GLIPR1L1: variants seen among roughly 807,000 people sequenced by gnomAD.
The protein encoded by GLIPR1L1 is GLIPR1-like protein 1.
A neutral mutation model predicts 29.9 loss-of-function variants in GLIPR1L1; 26 were observed. That is an observed-to-expected ratio of 0.87 (90% confidence interval 0.64 to 1.21). The LOEUF (loss-of-function observed/expected upper bound fraction) is 1.21, where lower values mean the gene tolerates loss of function less well. Among genes scored for constraint, GLIPR1L1 ranks in the 50% most tolerant of loss-of-function variants. The pLI is 0.00. For missense variants in GLIPR1L1, 305 were observed against 290.3 expected (o/e 1.05, Z -0.37); for synonymous variants, 77 against 97.5 (o/e 0.79, Z 1.24).
chr12:75,356,109 T>C (rs2043140422), intron 3 of GLIPR1L1, among the ~76,000 whole-genome samples: 1 of 152,064 alleles, frequency 6.6e-6, no homozygotes, highest in Admixed American at 6.6e-5. Context: ...AACCTGCCCA[T>C]GCTGCATTTT....
At position 75,347,730 on chromosome 12, in the gene GLIPR1L1, A is replaced by T. The variant is rs2042550740; in HGVS notation, c.521+8A>T. On this transcript the variant is annotated splice_region_variant and intron_variant, in intron 3 of 5. Transcript: ENST00000378695. ...ATGCAACTACGGACCTGCGTGAGTTATTTTCTCTTAAAAATATTTTAATTG... is the reference window on the plus strand; with the variant it reads ...ATGCAACTACGGACCTGCGTGAGTTTTTTTCTCTTAAAAATATTTTAATTG... 5 of 1,546,486 alleles carry T rather than the reference A, an allele frequency of 3.2e-6. No individual in the cohort carries two copies. The highest frequency in any genetic ancestry group is 4.4e-6 in the Non-Finnish European group (5 of 1,128,522).
chr12:75,360,898 A>G (rs903663298), intron 3 of GLIPR1L1: 15 of 152,252 alleles, frequency 9.9e-5, no homozygotes, highest in African/African-American at 3.4e-4. Flanking sequence ...GAGGTTTCCA[A>G]TCTTCAATTC....
In GLIPR1L1 at chr12:75,343,699, G is replaced by A. The variant is rs1210752417; in HGVS notation, c.181G>A (p.Asp61Asn). ...PAADMKYMIW[D>N]KGLAKMAKAW... The stretch of plus-strand genomic sequence containing the variant: ...AATTATTTTTATCTTTCAGATTTGG[G>A]ATAAAGGTTTAGCAAAGATGGCTAA... The change falls in exon 2 of 6, where the codon GAT (aspartate) becomes AAT (asparagine). Residue 61 changes from aspartate (D) to asparagine (N), a missense_variant. Transcript: ENST00000378695. 3 of 1,601,600 alleles carry A rather than the reference G, an allele frequency of 1.9e-6. No individual in the cohort carries two copies. Among genetic ancestry groups the A allele is most frequent in the South Asian group, 1.1e-5 (1 of 89,178 alleles).
At chr12:75,357,904 T>A (rs2043257351) in intron 3 of GLIPR1L1, among the ~76,000 whole-genome samples, 1 of 146,260 alleles carries the variant, frequency 6.8e-6, no homozygotes, top group Non-Finnish European at 1.5e-5. Context: ...AAAAGAACAG[T>A]CTCCAGTCAA....
chr12:75,363,385 C>G (rs1411075246), intron 4 of GLIPR1L1, among the ~76,000 whole-genome samples, 195 bp downstream of exon 4: 2 of 152,100 alleles, frequency 1.3e-5, no homozygotes, highest in African/African-American at 4.8e-5. Context: ...GATTACTCCC[C>G]CTCTGAAGCT....
At chr12:75,366,048 T>C (rs1007420452) in intron 4 of GLIPR1L1, among the ~76,000 whole-genome samples, 9 of 152,294 alleles carry the variant, frequency 5.9e-5, no homozygotes, top group East Asian at 5.8e-4. Context: ...CTAATTCTAA[T>C]GTTACTTTAC....
At chr12:75,358,531 A>G (rs2043305404) in intron 3 of GLIPR1L1, among the ~76,000 whole-genome samples, 1 of 151,190 alleles carries the variant, frequency 6.6e-6, no homozygotes, top group Admixed American at 6.6e-5. Context: ...AACAAGCTAA[A>G]AATAGAAGGG....
At chr12:75,353,729 G>T (rs1435959525) in intron 3 of GLIPR1L1, among the ~76,000 whole-genome samples, 2 of 152,124 alleles carry the variant, frequency 1.3e-5, no homozygotes, top group African/African-American at 4.8e-5. Flanking sequence ...GAACATCAAT[G>T]CAAAAATTCT....
chr12:75,363,163 G>GAAGAGA lies in GLIPR1L1; in HGVS notation c.586_591dup (p.Glu196_Lys197dup), dbSNP rs2043727976. 2 of 1,543,964 alleles carry GAAGAGA rather than the reference G, an allele frequency of 1.3e-6. No individual in the cohort carries two copies. The highest frequency in any genetic ancestry group is 2.1e-5 in the Admixed American group (1 of 46,756). On this transcript the variant is annotated inframe_insertion, in exon 4 of 6. Transcript: ENST00000378695. ...AGAATCTTGCTCTCTCTGCTCAAAA[G>GAAGAGA]AAGAGAAATGTGTAAAGAACCTCTG...
At chr12:75,357,738 T>C (rs1271152465) in intron 3 of GLIPR1L1, among the ~76,000 whole-genome samples, 1 of 152,044 alleles carries the variant, frequency 6.6e-6, no homozygotes, top group Non-Finnish European at 1.5e-5. Flanking sequence ...ATTTGAATAC[T>C]AACATACTTC....
At chr12:75,356,046 G>C (rs1027201727) in intron 3 of GLIPR1L1, among the ~76,000 whole-genome samples, 2 of 152,084 alleles carry the variant, frequency 1.3e-5, no homozygotes, top group Non-Finnish European at 2.9e-5. Context: ...ATACCTGGGT[G>C]ATGAGTTGAT....
At chr12:75,359,273 TATC>T (rs1317817322) in intron 3 of GLIPR1L1, among the ~76,000 whole-genome samples, 2 of 148,582 alleles carry the variant, frequency 1.3e-5, no homozygotes, top group African/African-American at 4.9e-5. Context: ...AACTACATAA[TATC>T]ATGAGAGAAA....
chr12:75,366,560 CT>C (rs1219951908), intron 4 of GLIPR1L1, among the ~76,000 whole-genome samples: 2 of 152,082 alleles, frequency 1.3e-5, no homozygotes, highest in African/African-American at 4.8e-5. Flanking sequence ...TGCACAAACA[CT>C]TGCAAAGAGA....
rs966412606 is a variant in GLIPR1L1, at chr12:75,370,425, T to C, written c.*249T>C. 1.4e-5 allele frequency: 4 copies of C among 293,212 alleles called. No individual in the cohort carries two copies. In the Admixed American group the frequency reaches 1.8e-4, roughly 14 times the overall value. The allele number at this position is 293,212 out of a possible 1,614,324, so 18.2% of individuals were successfully genotyped here. On this transcript the variant is annotated 3_prime_UTR_variant, in exon 6 of 6. Transcript: ENST00000378695. ...GTATCAAAAGTGTTCCACTCTTTAA[T>C]TTTCTAATGAGAATGGATTATCATT...
At chr12:75,351,622 C>T (rs1177397340) in intron 3 of GLIPR1L1, among the ~76,000 whole-genome samples, 1 of 151,320 alleles carries the variant, frequency 6.6e-6, no homozygotes, top group African/African-American at 2.4e-5. Context: ...TCTTGACTTA[C>T]TACCACCTCC....
chr12:75,365,415 A>G (rs1005846959), intron 4 of GLIPR1L1, among the ~76,000 whole-genome samples: 1 of 152,224 alleles, frequency 6.6e-6, no homozygotes, highest in African/African-American at 2.4e-5. Context: ...ATAAAAAATT[A>G]TAACCTGATA....
intron 4 of GLIPR1L1, among the ~76,000 whole-genome samples, chr12:75,368,552 G>T (rs759012930): frequency 5.3e-5 from 8 of 150,994 alleles, no homozygotes; most frequent in Non-Finnish European, 1.0e-4. Flanking sequence ...AATCCAATTT[G>T]GTCATGAGGT....
chr12:75,352,815 A>T (rs552140697), intron 3 of GLIPR1L1, among the ~76,000 whole-genome samples: 7 of 152,342 alleles, frequency 4.6e-5, no homozygotes, highest in African/African-American at 1.7e-4. Flanking sequence ...ACAAAATACA[A>T]TCAAATTAGA....
chr12:75,343,738 C>G lies in GLIPR1L1; in HGVS notation c.220C>G (p.Gln74Glu), dbSNP rs770408770. 6.2e-7 allele frequency: 1 copy of G among 1,612,004 alleles called. No individual in the cohort carries two copies. Among genetic ancestry groups the G allele is most frequent in the Non-Finnish European group, 8.5e-7 (1 of 1,178,538 alleles). The part of the protein sequence containing the change: ...LAKMAKAWAN[Q>E]CKFEHNDCLD... ...AAAGATGGCTAAAGCATGGGCAAAC[C>G]AGTGCAAATTTGAACATAATGACTG... Residue 74 changes from glutamine (Q) to glutamate (E), a missense_variant, in exon 2 of 6, where the codon CAG becomes GAG. Transcript: ENST00000378695.
Sources: gnomAD v4.1 joint callset for allele counts (sites outside exome capture counted in the v4.1 genomes callset) on GRCh38, gnomAD v4.1.1 for gene constraint, MANE v1.5 for transcripts, NCBI Gene and HGNC (gene_info 2026-07-23, HGNC 2026-07-21) for gene names.